DST: variants seen among roughly 807,000 people sequenced by gnomAD.
DST encodes dystonin.
A neutral mutation model predicts 875.2 loss-of-function variants in DST; 253 were observed. That is an observed-to-expected ratio of 0.29 (90% CI 0.26 to 0.32). The LOEUF (loss-of-function observed/expected upper bound fraction) is 0.32. Among genes scored for constraint, DST ranks in the 10% least tolerant of loss-of-function variants. The probability of loss-of-function intolerance (pLI) is 1.00; values close to 1 mark genes in which losing one functional copy is unlikely to be tolerated. For synonymous variants in DST, 3,124 were observed against 3,197.1 expected (o/e 0.98, Z 0.77); for missense variants, 8,287 against 9,111.6 (o/e 0.91, Z 3.68).
intron 35 of DST, 92 bp from the exon 36 acceptor site, chr6:56,624,720 C>T: frequency 1.2e-6 from 1 of 810,342 alleles, no homozygotes; most frequent in South Asian, 1.4e-5. Context: ...TTAACTAGGC[C>T]TTCAGACAGC....
chr6:56,479,068 A>T (rs1179202649), intron 90 of DST, among the ~76,000 whole-genome samples: 1 of 152,180 alleles, frequency 6.6e-6, no homozygotes, highest in Admixed American at 6.5e-5. Flanking sequence ...CAAACAACTC[A>T]ACAAGAAAAC....
intron 5 of DST, among the ~76,000 whole-genome samples, chr6:56,717,753 A>G (rs2099400277): frequency 6.6e-6 from 1 of 151,684 alleles, no homozygotes; most frequent in Admixed American, 6.6e-5. Flanking sequence ...CAGCCCTATG[A>G]TAGCACTCTC....
intron 72 of DST, among the ~76,000 whole-genome samples, chr6:56,512,649 AC>A (rs1268350458): frequency 6.6e-6 from 1 of 152,208 alleles, no homozygotes; most frequent in Non-Finnish European, 1.5e-5. Context: ...TCTATCAGTC[AC>A]CAGGATGGCC....
At chr6:56,784,363 G>C in intron 4 of DST, among the ~76,000 whole-genome samples, 1 of 152,180 alleles carries the variant, frequency 6.6e-6, no homozygotes. Context: ...CAGGTACACT[G>C]ATCAGACGCA....
intron 69 of DST, among the ~76,000 whole-genome samples, chr6:56,525,734 A>T (rs2096785875): frequency 6.6e-6 from 1 of 152,208 alleles, no homozygotes; most frequent in Non-Finnish European, 1.5e-5. Context: ...TTATATTACG[A>T]ACTTCTATCT....
chr6:56,594,007 A>T lies in DST; in HGVS notation c.12382T>A (p.Leu4128Ile), dbSNP rs762560912. ...ALAESEKKMK[L>I]THSLQEELEK... Reference sequence around the variant, plus strand: ...AATTCTTCCTGCAGAGAGTGAGTTAACTTCATTTTCTTCTCTGACTCAGCC... The same window carrying T: ...AATTCTTCCTGCAGAGAGTGAGTTATCTTCATTTTCTTCTCTGACTCAGCC... The change falls in exon 48 of 104, where the codon TTA (leucine) becomes ATA (isoleucine). Residue 4128 changes from leucine (L) to isoleucine (I), a missense_variant. By Grantham distance (5) the Leu-to-Ile change is conservative. Around this residue, in one of 10 missense-constraint regions of DST, gnomAD observed 1,513 missense variants for 1,677.8 expected, o/e 0.90. Coordinates refer to ENST00000680361, the MANE Select transcript of DST (RefSeq NM_001374736.1). 3.0e-5 allele frequency: 49 copies of T among 1,613,706 alleles called. No individual in the cohort carries two copies. Among genetic ancestry groups the T allele is most frequent in the Non-Finnish European group, 4.1e-5 (48 of 1,179,858 alleles).
Position 56,568,574 on chromosome 6 carries a change from A to C in DST, c.13900T>G (p.Leu4634Val), listed in dbSNP as rs2097721972. 1.2e-6 allele frequency: 2 copies of C among 1,608,952 alleles called. No individual in the cohort carries two copies. Among genetic ancestry groups the C allele is most frequent in the African/African-American group, 2.7e-5 (2 of 74,792 alleles). ...DTKKLQEKWS[L>V]KTPEIQKVNN... Reference sequence around the variant, plus strand: ...ACTTTCTGAATCTCTGGTGTTTTTAAACTCCACTTTTCTTGTAATTTCTTG... The same window carrying C: ...ACTTTCTGAATCTCTGGTGTTTTTACACTCCACTTTTCTTGTAATTTCTTG... The change falls in exon 55 of 104, where the codon TTA (leucine) becomes GTA (valine). Residue 4634 changes from leucine (L) to valine (V), a missense_variant. Transcript: ENST00000680361.
At chr6:56,927,269 T>G (rs1459985938) in intron 2 of DST, among the ~76,000 whole-genome samples, 1 of 152,084 alleles carries the variant, frequency 6.6e-6, no homozygotes, top group Non-Finnish European at 1.5e-5. Flanking sequence ...ACCCAGAGTC[T>G]CATAAGGCAA....
At chr6:56,735,362 T>A in intron 4 of DST, 73 bp from the exon 5 acceptor site, 1 of 914,118 alleles carries the variant, frequency 1.1e-6, no homozygotes, top group Non-Finnish European at 1.7e-6. Context: ...ATCATGAATA[T>A]AAACAAAAAT....
chr6:56,613,695 C>A (rs2098576216), intron 37 of DST, among the ~76,000 whole-genome samples: 2 of 152,188 alleles, frequency 1.3e-5, no homozygotes, highest in African/African-American at 4.8e-5. Context: ...CCCCAACTAC[C>A]AACATCCTAA....
At chr6:56,810,130 C>T (rs2099758139) in intron 4 of DST, among the ~76,000 whole-genome samples, 1 of 152,068 alleles carries the variant, frequency 6.6e-6, no homozygotes, top group Non-Finnish European at 1.5e-5. Flanking sequence ...AGTTCGAGAC[C>T]AGCTTGGACA....
intron 4 of DST, among the ~76,000 whole-genome samples, chr6:56,796,512 CAAG>C (rs1470533958): frequency 1.3e-5 from 2 of 151,928 alleles, no homozygotes; most frequent in Non-Finnish European, 2.9e-5. Context: ...AACAGAAAAT[CAAG>C]AAGTAGATCC....
rs373283725 is a variant in DST at position 56,617,277 on chromosome 6, T to C, written c.4930-2793A>G. The C allele has an allele frequency of 2.5e-6, 4 of 1,613,184 alleles. No individual in the cohort carries two copies. In the African/African-American group the frequency reaches 5.3e-5, roughly 22 times the overall value. On this transcript the variant is annotated intron_variant, in intron 36 of 103. Coordinates refer to ENST00000680361, the MANE Select transcript of DST (RefSeq NM_001374736.1). ...TGGAAGGTCTCTGGTTCTAAGCCCT[T>C]CTTAAGGAAATCCCCTTTCTTGAGT...
intron 61 of DST, among the ~76,000 whole-genome samples, chr6:56,537,616 T>C (rs1440858876): frequency 6.6e-6 from 1 of 152,220 alleles, no homozygotes; most frequent in Non-Finnish European, 1.5e-5. Context: ...CCTCACCCCA[T>C]GGATCTGATC....
chr6:56,462,657 A>G (rs2094392588), intron 102 of DST, among the ~76,000 whole-genome samples: 1 of 152,084 alleles, frequency 6.6e-6, no homozygotes, highest in African/African-American at 2.4e-5. Flanking sequence ...ATTTGAAGGG[A>G]ATGTGTTGCA....
intron 50 of DST, among the ~76,000 whole-genome samples, chr6:56,577,326 C>G (rs934761277): frequency 6.6e-6 from 1 of 152,176 alleles, no homozygotes. Flanking sequence ...CAAGTCCTCA[C>G]AGCAATGGTA....
chr6:56,603,251 G>A lies in DST; in HGVS notation c.11111C>T (p.Ser3704Phe), dbSNP rs1180781508. ...KTAFSSLSNV[S>F]SERTKQIMLA... ...CATGATCTGTTTCGTTCTTTCTGAA[G>A]ACACGTTGCTGAGGGAAGAGAAGGC... The change falls in exon 42 of 104, where the codon TCT becomes TTT. Residue 3704 changes from serine to phenylalanine, a missense_variant. This residue lies in a region of DST where 3,138 missense variants were observed against 3,116.6 expected (regional missense o/e 1.01). Coordinates refer to ENST00000680361, the MANE Select transcript of DST (RefSeq NM_001374736.1). 1 of 1,608,132 alleles carries A rather than the reference G, an allele frequency of 6.2e-7. No individual in the cohort carries two copies. Among genetic ancestry groups the A allele is most frequent in the Non-Finnish European group, 8.5e-7 (1 of 1,177,462 alleles).
At chr6:56,479,579 TG>T (rs2095331908) in intron 90 of DST, among the ~76,000 whole-genome samples, 1 of 152,134 alleles carries the variant, frequency 6.6e-6, no homozygotes, top group Non-Finnish European at 1.5e-5. Context: ...ATATATACCA[TG>T]GAATACTATG....
At chr6:56,613,748 G>A (rs549757299) in intron 37 of DST, among the ~76,000 whole-genome samples, 10 of 152,262 alleles carry the variant, frequency 6.6e-5, no homozygotes, top group South Asian at 2.1e-4. Flanking sequence ...CCAAGCTGCG[G>A]CCATCCAACT....
Sources: allele counts gnomAD v4.1 joint callset (sites outside exome capture counted in the v4.1 genomes callset), GRCh38; gene constraint gnomAD v4.1.1; regional missense constraint gnomAD v4.1.1; transcripts MANE v1.5; gene names NCBI Gene and HGNC (gene_info 2026-07-23, HGNC 2026-07-21).